The following PCDH15 variants were observed in gnomAD, a reference collection of about 807,000 sequenced individuals.
PCDH15 encodes the protein protocadherin related 15.
Under a neutral mutation model 178.5 loss-of-function variants are expected in PCDH15, and 129 were observed. That is an observed-to-expected ratio of 0.72 (90% CI 0.63 to 0.84). PCDH15 has a LOEUF of 0.84. Among genes scored for constraint, PCDH15 ranks in the 40% least tolerant of loss-of-function variants. PCDH15 has a pLI of 0.00. For missense variants in PCDH15, 2,230 were observed against 2,099.9 expected (o/e 1.06, Z -1.21); for synonymous variants, 800 against 732.0 (o/e 1.09, Z -1.50).
At chr10:54,824,040 C>A (rs955238301) in intron 3 of PCDH15, among the ~76,000 whole-genome samples, 1 of 152,148 alleles carries the variant, frequency 6.6e-6, no homozygotes, top group African/African-American at 2.4e-5. Flanking sequence ...TTAGCACAAT[C>A]TCTTTATTGT....
intron 2 of PCDH15, among the ~76,000 whole-genome samples, chr10:55,549,147 G>A (rs1447527939): frequency 6.7e-6 from 1 of 149,606 alleles, no homozygotes; most frequent in Non-Finnish European, 1.5e-5. Context: ...TAGGGAAGAA[G>A]AGGGTTTTTT....
intron 27 of PCDH15, among the ~76,000 whole-genome samples, chr10:53,858,581 A>T (rs2078905865): frequency 6.6e-6 from 1 of 152,152 alleles, no homozygotes; most frequent in Non-Finnish European, 1.5e-5. Context: ...ACTAGTTAGA[A>T]ATCTATCAAA....
At chr10:54,259,839 A>G (rs1232059263) in intron 8 of PCDH15, among the ~76,000 whole-genome samples, 2 of 152,188 alleles carry the variant, frequency 1.3e-5, no homozygotes, top group Non-Finnish European at 2.9e-5. Context: ...TGAATATACT[A>G]AGACTTAGTC....
chr10:54,157,386 G>T (rs191497765), intron 13 of PCDH15, among the ~76,000 whole-genome samples: 1 of 152,222 alleles, frequency 6.6e-6, no homozygotes, highest in Non-Finnish European at 1.5e-5. Context: ...AACTGCTGAG[G>T]CTTGGAGCTT....
At chr10:55,103,074 C>G (rs1665934490) in intron 2 of PCDH15, among the ~76,000 whole-genome samples, 1 of 149,234 alleles carries the variant, frequency 6.7e-6, no homozygotes, top group Non-Finnish European at 1.5e-5. Context: ...CTCAGTGTAA[C>G]TTCATAGAAA....
chr10:54,567,845 T>C (rs2089265158), intron 2 of PCDH15, among the ~76,000 whole-genome samples: 1 of 152,094 alleles, frequency 6.6e-6, no homozygotes, highest in Admixed American at 6.5e-5. Context: ...AGTCACAGAG[T>C]TACATCATAG....
chr10:54,063,018 C>G (rs955103457), intron 18 of PCDH15, among the ~76,000 whole-genome samples: 2 of 152,156 alleles, frequency 1.3e-5, no homozygotes, highest in Non-Finnish European at 2.9e-5. Flanking sequence ...GCATTTTAAA[C>G]TGACAACTGT....
At chr10:55,118,348 G>T (rs952889053) in intron 2 of PCDH15, among the ~76,000 whole-genome samples, 2 of 152,164 alleles carry the variant, frequency 1.3e-5, no homozygotes, top group African/African-American at 4.8e-5. Flanking sequence ...GCGAATGTAA[G>T]TTGACAAAGC....
chr10:54,059,093 ACT>A (rs776067375), intron 18 of PCDH15, among the ~76,000 whole-genome samples: 22 of 152,026 alleles, frequency 1.4e-4, no homozygotes, highest in Non-Finnish European at 2.8e-4. Flanking sequence ...CTATCAGTCT[ACT>A]CTCTATTTCC....
At chr10:55,437,301 C>T (rs887373985) in intron 2 of PCDH15, among the ~76,000 whole-genome samples, 1 of 152,122 alleles carries the variant, frequency 6.6e-6, no homozygotes, top group African/African-American at 2.4e-5. Flanking sequence ...AGAGTTTGGG[C>T]CCTTTAAAGT....
At chr10:55,050,613 C>A (rs1841136538) in intron 2 of PCDH15, among the ~76,000 whole-genome samples, 1 of 151,944 alleles carries the variant, frequency 6.6e-6, no homozygotes, top group South Asian at 2.1e-4. Flanking sequence ...AGCTTTATTT[C>A]CCTGTATTTA....
At chr10:54,821,023 C>T (rs940579291) in intron 3 of PCDH15, among the ~76,000 whole-genome samples, 2 of 151,926 alleles carry the variant, frequency 1.3e-5, no homozygotes, top group South Asian at 2.1e-4. Flanking sequence ...ACCTCTTTTG[C>T]CTCTTAATAC....
At chr10:54,854,520 G>C (rs1011947235) in intron 3 of PCDH15, among the ~76,000 whole-genome samples, 2 of 152,130 alleles carry the variant, frequency 1.3e-5, no homozygotes, top group African/African-American at 2.4e-5. Flanking sequence ...AAACCCGCAG[G>C]GGGAGCTCCT....
At chr10:54,354,998 A>C (rs975033138) in intron 5 of PCDH15, among the ~76,000 whole-genome samples, 1 of 151,980 alleles carries the variant, frequency 6.6e-6, no homozygotes, top group African/African-American at 2.4e-5. Context: ...CTGAAGTCTC[A>C]ATAATGTTCC....
At chr10:55,586,812 C>G (rs1842735030) in intron 2 of PCDH15, among the ~76,000 whole-genome samples, 1 of 151,880 alleles carries the variant, frequency 6.6e-6, no homozygotes, top group African/African-American at 2.4e-5. Context: ...GTACTTTGGT[C>G]AAAAAAATTA....
chr10:54,715,916 T>C (rs1228694254), intron 1 of PCDH15, among the ~76,000 whole-genome samples: 1 of 152,150 alleles, frequency 6.6e-6, no homozygotes, highest in Non-Finnish European at 1.5e-5. Context: ...GGTGCAGAGA[T>C]TGTGGTACAT....
At position 55,292,190 on chromosome 10, in the gene PCDH15, TC is replaced by T. The variant is rs775521066; in HGVS notation, c.-156+27408del. ...AAAGTCTCATCTGAGACAAGGCAAG[TC>T]CCTTCTGCCTATAAGCCTTAAAATC... On this transcript the variant is annotated intron_variant, in intron 1 of 5. Coordinates refer to the PCDH15 transcript ENST00000458638. Among the ~76,000 whole-genome samples the T allele has an allele frequency of 8.9e-4, 136 of 152,230 alleles. 1 individual carries two copies. Among genetic ancestry groups the T allele is most frequent in the Non-Finnish European group, 1.6e-3 (111 of 68,012 alleles).
chr10:53,957,151 A>G (rs891690356), intron 23 of PCDH15, among the ~76,000 whole-genome samples: 3 of 152,202 alleles, frequency 2.0e-5, no homozygotes, highest in Non-Finnish European at 4.4e-5. Flanking sequence ...GAGGAAGTTT[A>G]AGCAATATAT....
At chr10:55,271,437 T>C (rs896201460) in intron 1 of PCDH15, among the ~76,000 whole-genome samples, 3 of 152,062 alleles carry the variant, frequency 2.0e-5, no homozygotes, top group Admixed American at 6.5e-5. Context: ...TAATCAGATA[T>C]GTTCTTAAAT....
Sources: gnomAD v4.1 joint callset for allele counts (sites outside exome capture counted in the v4.1 genomes callset) on GRCh38, gnomAD v4.1.1 for gene constraint, MANE v1.5 for transcripts, NCBI Gene and HGNC (gene_info 2026-07-23, HGNC 2026-07-21) for gene names.